SH3GLB1: variants seen among roughly 807,000 people sequenced by gnomAD.
SH3GLB1 encodes the protein SH3 domain containing GRB2 like, endophilin B1, also known as endophilin-B1.
SH3GLB1 carries 17 observed loss-of-function variants against 42.0 expected under a neutral mutation model. The observed-to-expected ratio is 0.40, with a 90% CI of 0.28 to 0.61. The LOEUF (loss-of-function observed/expected upper bound fraction) is 0.61, where lower values mean the gene tolerates loss of function less well. Among genes scored for constraint, SH3GLB1 ranks in the 20% least tolerant of loss-of-function variants. The pLI is 0.36. For missense variants in SH3GLB1, 355 were observed against 426.3 expected (o/e 0.83, Z 1.47); for synonymous variants, 132 against 146.6 (o/e 0.90, Z 0.72).
intron 5 of SH3GLB1, chr1:86,734,344 T>G: frequency 3.2e-6 from 1 of 314,072 alleles, no homozygotes; most frequent in East Asian, 5.4e-5. Flanking sequence ...TTTTGTAGGC[T>G]CTTAAGAGTG....
chr1:86,708,604 A>C (rs746849132), intron 1 of SH3GLB1, among the ~76,000 whole-genome samples: 4 of 152,242 alleles, frequency 2.6e-5, no homozygotes, highest in African/African-American at 4.8e-5. Context: ...GTTAGACTAG[A>C]ATGTATAAAT....
chr1:86,748,143 T>G lies in SH3GLB1; in HGVS notation c.*4908T>G, dbSNP rs1174510268. 1 of 152,106 alleles carries G rather than the reference T, an allele frequency of 6.6e-6. No individual in the cohort carries two copies. The highest frequency in any genetic ancestry group is 1.5e-5 in the Non-Finnish European group (1 of 68,016). 9.4% of individuals were successfully genotyped at this position (152,106 alleles called of 1,614,324 possible). ...CATTTTATTAAACTACTGTTCAATT[T>G]TTAGGTTTCCAACTTTCATTAATAA... On this transcript the variant is annotated 3_prime_UTR_variant, in exon 9 of 9. Transcript: ENST00000370558.
chr1:86,742,475 A>G (rs768470666), intron 8 of SH3GLB1, 39 bp downstream of exon 8: 1 of 1,454,432 alleles, frequency 6.9e-7, no homozygotes, highest in East Asian at 2.3e-5. Flanking sequence ...TATATCACGA[A>G]TTGACATACC....
rs1215574809 is a variant in SH3GLB1, at chr1:86,745,532, T to G, written c.*2297T>G. On this transcript the variant is annotated 3_prime_UTR_variant, in exon 9 of 9. Transcript: ENST00000370558. ...CTTCCCACAGTCAGTATAAATCATT[T>G]TTCAGAACTTTCAGCTTTCCATCAA... The G allele has an allele frequency of 6.6e-6, 1 of 152,188 alleles. No individual in the cohort carries two copies. The highest frequency in any genetic ancestry group is 1.5e-5 in the Non-Finnish European group (1 of 68,020). The allele number at this position is 152,188 out of a possible 1,614,324, so 9.4% of individuals were successfully genotyped here.
At position 86,719,624 on chromosome 1, in the gene SH3GLB1, G is replaced by A; in HGVS notation, c.332G>A (p.Gly111Glu). Reference protein sequence around the residue: ...MIDAGTEFGPGTAYGNALIKC... With the variant: ...MIDAGTEFGPETAYGNALIKC... ...GATGCAGGGACTGAGTTTGGCCCAG[G>A]AACAGCTTATGGTAAGTGAAATGCA... The change falls in exon 3 of 9, where the codon GGA becomes GAA. Residue 111 changes from glycine to glutamate, a missense_variant. Transcript: ENST00000370558. The A allele has an allele frequency of 6.2e-7, 1 of 1,608,480 alleles. No homozygotes were observed. The highest frequency in any genetic ancestry group is 1.1e-5 in the South Asian group (1 of 90,370).
At chr1:86,716,869 T>A (rs1558302511) in intron 2 of SH3GLB1, among the ~76,000 whole-genome samples, 1 of 152,220 alleles carries the variant, frequency 6.6e-6, no homozygotes. Context: ...CCCAACTTGT[T>A]TGGGACCAAG....
intron 2 of SH3GLB1, 80 bp from the exon 3 acceptor site, chr1:86,719,427 G>C: frequency 1.6e-6 from 2 of 1,268,302 alleles, no homozygotes; most frequent in Non-Finnish European, 2.2e-6. Flanking sequence ...ATGATAAATG[G>C]CTGCTGATGG....
intron 5 of SH3GLB1, chr1:86,734,148 CT>C (rs1655661175): frequency 6.6e-6 from 1 of 152,442 alleles, no homozygotes. Flanking sequence ...ACTCTAAAGT[CT>C]TTTGCATTTG....
In SH3GLB1 at chr1:86,735,154, T is replaced by G; in HGVS notation, c.736T>G (p.Leu246Val). ...CTATGCACAGTGTTACCAGTATATGTTGGACCTCCAGAAACAACTGGGAAG... is the reference window on the plus strand; with the variant it reads ...CTATGCACAGTGTTACCAGTATATGGTGGACCTCCAGAAACAACTGGGAAG... ...TYYAQCYQYM[L>V]DLQKQLGSFP... is the part of the protein sequence containing the mutation. Residue 246 changes from leucine (L) to valine (V), a missense_variant, in exon 7 of 9, where the codon TTG becomes GTG. Leu to Val is a conservative substitution (Grantham distance 32). Coordinates refer to ENST00000370558, the MANE Select transcript of SH3GLB1 (RefSeq NM_016009.5). The G allele has an allele frequency of 6.2e-7, 1 of 1,612,274 alleles. No individual in the cohort carries two copies.
intron 5 of SH3GLB1, chr1:86,730,434 A>T: frequency 1.1e-6 from 1 of 900,644 alleles, no homozygotes; most frequent in Non-Finnish European, 1.3e-6. Context: ...AATTTTTAAA[A>T]TGTAAAATAT....
At chr1:86,727,434 A>G (rs912654029) in intron 5 of SH3GLB1, among the ~76,000 whole-genome samples, 1 of 152,036 alleles carries the variant, frequency 6.6e-6, no homozygotes, top group African/African-American at 2.4e-5. Context: ...TGAATATCCC[A>G]AATCCAAAAA....
intron 5 of SH3GLB1, among the ~76,000 whole-genome samples, chr1:86,724,915 A>ATAT (rs1655106676): frequency 7.9e-6 from 1 of 127,150 alleles, no homozygotes; most frequent in African/African-American, 3.4e-5. Flanking sequence ...ATATATATAA[A>ATAT]ATATATAATA....
intron 7 of SH3GLB1, among the ~76,000 whole-genome samples, chr1:86,739,770 G>C (rs2101986769): frequency 6.6e-6 from 1 of 152,218 alleles, no homozygotes; most frequent in African/African-American, 2.4e-5. Flanking sequence ...AATTGCTAGA[G>C]TGATACCCTA....
At chr1:86,730,228 A>G in intron 5 of SH3GLB1, 1 of 1,422,290 alleles carries the variant, frequency 7.0e-7, no homozygotes, top group Non-Finnish European at 9.3e-7. Flanking sequence ...AGTATACCTT[A>G]TAAAATCTGA....
In SH3GLB1 at chr1:86,722,591, A is replaced by G. The variant is rs1654926639; in HGVS notation, c.395A>G (p.Asp132Gly). 2.5e-6 allele frequency: 4 copies of G among 1,610,434 alleles called. No individual in the cohort carries two copies. In the East Asian group the frequency reaches 6.7e-5, roughly 27 times the overall value. The change falls in exon 4 of 9, where the codon GAC becomes GGC. Residue 132 changes from aspartate to glycine, a missense_variant. By Grantham distance (94) the Asp-to-Gly change is moderately conservative. Transcript: ENST00000370558. ...ACCCAAAAAAGAATTGGAACAGCAG[A>G]CAGAGAACTGATTCAAACGTCAGCC... ...GETQKRIGTA[D>G]RELIQTSALN...
At chr1:86,733,153 C>G (rs930864383) in intron 5 of SH3GLB1, among the ~76,000 whole-genome samples, 1 of 152,054 alleles carries the variant, frequency 6.6e-6, no homozygotes, top group Non-Finnish European at 1.5e-5. Context: ...TTACTTTGTC[C>G]CTGCTATCAA....
At chr1:86,724,213 G>T (rs12755853) in intron 4 of SH3GLB1, 100 bp from the exon 5 acceptor site, 47,580 of 745,800 alleles carry the variant, frequency 0.064, 1,743 homozygotes, top group Non-Finnish European at 0.075. Flanking sequence ...TCTTTATCAA[G>T]TGATACATAT....
Position 86,704,847 on chromosome 1 carries a change from A to G in SH3GLB1, c.-53A>G, listed in dbSNP as rs1275570544. On this transcript the variant is annotated 5_prime_UTR_variant, in exon 1 of 9. Transcript: ENST00000370558. Reference sequence around the variant, plus strand: ...CCCTGCGCCCCAGCCCGGCCGCGGCACCTCCGCCTCGCCGCCGCTAGGTCG... The same window carrying G: ...CCCTGCGCCCCAGCCCGGCCGCGGCGCCTCCGCCTCGCCGCCGCTAGGTCG... 5 of 1,318,732 alleles carry G rather than the reference A, an allele frequency of 3.8e-6. No homozygotes were observed. Among genetic ancestry groups the G allele is most frequent in the Middle Eastern group, 1.9e-4 (1 of 5,218 alleles). 81.7% of individuals were successfully genotyped at this position (1,318,732 alleles called of 1,614,324 possible).
At chr1:86,723,147 A>G (rs1654962232) in intron 4 of SH3GLB1, among the ~76,000 whole-genome samples, 1 of 152,248 alleles carries the variant, frequency 6.6e-6, no homozygotes, top group African/African-American at 2.4e-5. Flanking sequence ...ATATGTTCAC[A>G]ATGGATTTGT....
Sources: gnomAD v4.1 joint callset for allele counts (sites outside exome capture counted in the v4.1 genomes callset) on GRCh38, gnomAD v4.1.1 for gene constraint, MANE v1.5 for transcripts, NCBI Gene and HGNC (gene_info 2026-07-23, HGNC 2026-07-21) for gene names.